EVPL: variants seen among roughly 807,000 people sequenced by gnomAD.
The protein encoded by EVPL is 210 kDa cornified envelope precursor protein.
Under a neutral mutation model 129.7 loss-of-function variants are expected in EVPL, and 94 were observed. The ratio of observed to expected loss-of-function variants is 0.72; its 90% CI spans 0.61 to 0.86. The LOEUF (loss-of-function observed/expected upper bound fraction) is 0.86. Ranked by LOEUF, EVPL falls within the 40% of genes least tolerant of loss-of-function variation. The pLI is 0.00. For missense variants in EVPL, 2,625 were observed against 2,721.1 expected, an observed-to-expected ratio of 0.96 and a Z score of 0.79; for synonymous variants, 1,172 against 1,191.1, an observed-to-expected ratio of 0.98 and a Z score of 0.33.
At chr17:76,019,710 C>A in intron 9 of EVPL, 57 bp from the exon 10 acceptor site, 1 of 1,566,268 alleles carries the variant, frequency 6.4e-7, no homozygotes, top group Non-Finnish European at 8.6e-7. Context: ...CCCACTGACC[C>A]TACAAACCAG....
In EVPL at chr17:76,009,297, C is replaced by T; in HGVS notation, c.3908G>A (p.Arg1303His). 6.2e-7 allele frequency: 1 copy of T among 1,608,822 alleles called. No individual in the cohort carries two copies. Among genetic ancestry groups the T allele is most frequent in the South Asian group, 1.1e-5 (1 of 91,062 alleles). Residue 1303 changes from arginine (R) to histidine (H), a missense_variant, in exon 22 of 22, where the codon CGC becomes CAC. Physicochemically the swap from Arg to His is conservative, Grantham distance 29. Transcript: ENST00000301607. This position sits in a 1 kb window ranked among gnomAD's most constrained non-coding sequence, Gnocchi z 5.9. ...RLQGERDEWR[R>H]ERAKVETKTV... ...CTTGGTCTCCACCTTGGCCCGCTCG[C>T]GCCTCCACTCGTCGCGCTCACCCTG...
At position 76,007,984 on chromosome 17, in the gene EVPL, G is replaced by A. The variant is rs775459828; in HGVS notation, c.5221C>T (p.Arg1741Cys). 1.6e-5 allele frequency: 26 copies of A among 1,613,972 alleles called. No homozygotes were observed. Among genetic ancestry groups the A allele is most frequent in the East Asian group, 2.2e-5 (1 of 44,892 alleles). Residue 1741 changes from arginine to cysteine, a missense_variant, in exon 22 of 22, where the codon CGC becomes TGC. This residue lies in a region of EVPL where 1,453 missense variants were observed against 1,511.8 expected (regional missense o/e 0.96). Coordinates refer to ENST00000301607, the MANE Select transcript of EVPL (RefSeq NM_001988.4). The surrounding 1 kb of genome is among the most constrained non-coding windows in gnomAD (Gnocchi z 8.8). ...ATGGAGTACTGCTTCCCGCTCTTGCGGTCCAGGAGCACAGACTCCTCCCCA... is the reference window on the plus strand; with the variant it reads ...ATGGAGTACTGCTTCCCGCTCTTGCAGTCCAGGAGCACAGACTCCTCCCCA... Reference protein sequence around the residue: ...PCGEESVLLDRKSGKQYSIEA... With the variant: ...PCGEESVLLDCKSGKQYSIEA...
chr17:76,012,498 T>C (rs2066385469), intron 18 of EVPL, among the ~76,000 whole-genome samples: 2 of 152,250 alleles, frequency 1.3e-5, no homozygotes, highest in African/African-American at 2.4e-5. Context: ...TTTCGCCATG[T>C]TGGCAAGGCT....
At position 76,019,589 on chromosome 17, in the gene EVPL, T is replaced by C. The variant is rs750090060; in HGVS notation, c.1076A>G (p.Lys359Arg). The C allele has an allele frequency of 6.2e-7, 1 of 1,604,794 alleles. No homozygotes were observed. Among genetic ancestry groups the C allele is most frequent in the East Asian group, 2.3e-5 (1 of 44,278 alleles). ...LAKLNSNLDA[K>R]YSPAPGGPPG... ...GGGGCCCCCAGGTGCAGGGCTGTAC[T>C]TGGCATCCAAGTTGGAGTTGAGCTT... is the stretch of plus-strand genomic sequence containing the variant. The change falls in exon 10 of 22, where the codon AAG (lysine) becomes AGG (arginine). Residue 359 changes from lysine to arginine, a missense_variant. Around this residue, in one of 4 missense-constraint regions of EVPL, gnomAD observed 1,024 missense variants for 997.5 expected, o/e 1.03. Transcript: ENST00000301607.
rs373960086 is a variant in EVPL at position 76,008,716 on chromosome 17, G to A, written c.4489C>T (p.Arg1497Trp). ...TGGACCTGCAGGTTCTTGCACTCCCGATTCAGCTCGGTTACCTGGGTCTTC... is the reference window on the plus strand; with the variant it reads ...TGGACCTGCAGGTTCTTGCACTCCCAATTCAGCTCGGTTACCTGGGTCTTC... The part of the protein sequence containing the change: ...QEKTQVTELN[R>W]ECKNLQVQID... The change falls in exon 22 of 22, where the codon CGG (arginine) becomes TGG (tryptophan). Residue 1497 changes from arginine (R) to tryptophan (W), a missense_variant. By Grantham distance (101) the Arg-to-Trp change is moderately radical. Transcript: ENST00000301607. This position sits in a 1 kb window ranked among gnomAD's most constrained non-coding sequence, Gnocchi z 7.4. The A allele has an allele frequency of 3.7e-6, 6 of 1,613,736 alleles. No homozygotes were observed. The highest frequency in any genetic ancestry group is 1.6e-4 in the Middle Eastern group (1 of 6,062).
At position 76,021,521 on chromosome 17, in the gene EVPL, T is replaced by G; in HGVS notation, c.958A>C (p.Asn320His). ...ALKMEWQNFL[N>H]LCICQETQLQ... is the part of the protein sequence containing the mutation. ...TGGGTCTCCTGGCAGATACACAGGT[T>G]CAGGAAGTTCTGCCACTCCATCTTC... The change falls in exon 9 of 22, where the codon AAC becomes CAC. Residue 320 changes from asparagine to histidine, a missense_variant. Asn to His is a moderately conservative substitution (Grantham distance 68). Transcript: ENST00000301607. The G allele has an allele frequency of 6.2e-7, 1 of 1,610,172 alleles. No homozygotes were observed. Among genetic ancestry groups the G allele is most frequent in the Non-Finnish European group, 8.5e-7 (1 of 1,178,920 alleles).
rs776757909 is a variant in EVPL, at chr17:76,009,312, C to T, written c.3893G>A (p.Arg1298His). 5.6e-6 allele frequency: 9 copies of T among 1,610,098 alleles called. No homozygotes were observed. Among genetic ancestry groups the T allele is most frequent in the Non-Finnish European group, 6.8e-6 (8 of 1,179,768 alleles). The change falls in exon 22 of 22, where the codon CGC (arginine) becomes CAC (histidine). Residue 1298 changes from arginine to histidine, a missense_variant. This residue lies in a region of EVPL where 1,453 missense variants were observed against 1,511.8 expected (regional missense o/e 0.96). Transcript: ENST00000301607. The surrounding 1 kb of genome is among the most constrained non-coding windows in gnomAD (Gnocchi z 5.9). ...GGCCCGCTCGCGCCTCCACTCGTCG[C>T]GCTCACCCTGCAGGCGGATGAGCTG... ...QEQLIRLQGERDEWRRERAKV... is the reference protein window; with the variant it reads ...QEQLIRLQGEHDEWRRERAKV...
At chr17:76,018,405 C>T (rs930771880) in intron 12 of EVPL, 41 bp downstream of exon 12, 14 of 1,584,580 alleles carry the variant, frequency 8.8e-6, no homozygotes, top group Non-Finnish European at 1.2e-5. Context: ...CCGGCCTGCT[C>T]TGCCCACAGC....
At chr17:76,023,778 C>G in intron 2 of EVPL, 124 bp from the exon 3 acceptor site, 1 of 1,422,666 alleles carries the variant, frequency 7.0e-7, no homozygotes, top group East Asian at 2.5e-5. Flanking sequence ...GAGGCCCACG[C>G]CAGGCACAGG....
rs1253761757 is a variant in EVPL, at chr17:76,022,455, C to T, written c.564G>A (p.Glu188=). The T allele has an allele frequency of 3.7e-6, 6 of 1,613,730 alleles. No individual in the cohort carries two copies. The African/African-American group carries it at 8.0e-5, about 22-fold the overall frequency. ...QIAEHNILQK[E]IDAYGQQLRS... ...GCAGCTGCTGCCCATAGGCGTCGAT[C>T]TCCTTCTGCAGGATGTTGTGCTCGG... The change falls in exon 5 of 22, where the codon GAG becomes GAA. Residue 188 remains glutamate (E), a synonymous_variant. Coordinates refer to ENST00000301607, the MANE Select transcript of EVPL (RefSeq NM_001988.4). This position sits in a 1 kb window ranked among gnomAD's most constrained non-coding sequence, Gnocchi z 5.6.
Position 76,007,291 on chromosome 17 carries a change from G to A in EVPL, c.5914C>T (p.Leu1972=). The change falls in exon 22 of 22, where the codon CTG becomes TTG. Residue 1972 remains leucine (L), a synonymous_variant. Coordinates refer to ENST00000301607, the MANE Select transcript of EVPL (RefSeq NM_001988.4). The surrounding 1 kb of genome is among the most constrained non-coding windows in gnomAD (Gnocchi z 8.8). Reference sequence around the variant, plus strand: ...TTCTCGTAGCTGGACTCGTCCTGCAGGAGCTGGGCCAGCTCTTCACTGATC... The same window carrying A: ...TTCTCGTAGCTGGACTCGTCCTGCAAGAGCTGGGCCAGCTCTTCACTGATC... ...GMISEELAQL[L]QDESSYEKDL... 6.4e-7 allele frequency: 1 copy of A among 1,555,244 alleles called. No homozygotes were observed. The highest frequency in any genetic ancestry group is 2.3e-5 in the East Asian group (1 of 44,236).
Position 76,008,511 on chromosome 17 carries a change from T to A in EVPL, c.4694A>T (p.Asp1565Val). 1 of 1,604,798 alleles carries A rather than the reference T, an allele frequency of 6.2e-7. No homozygotes were observed. The highest frequency in any genetic ancestry group is 8.5e-7 in the Non-Finnish European group (1 of 1,179,028). Residue 1565 changes from aspartate (D) to valine (V), a missense_variant, in exon 22 of 22, where the codon GAC becomes GTC. By Grantham distance (152) the Asp-to-Val change is radical. Around this residue, in one of 4 missense-constraint regions of EVPL, gnomAD observed 1,453 missense variants for 1,511.8 expected, o/e 0.96. Coordinates refer to ENST00000301607, the MANE Select transcript of EVPL (RefSeq NM_001988.4). The surrounding 1 kb of genome is among the most constrained non-coding windows in gnomAD (Gnocchi z 7.4). The part of the protein sequence containing the change: ...EEARRLRERI[D>V]RAETLGRTWS... ...GGTTCTCCCCAGCGTCTCGGCCCGG[T>A]CAATGCGCTCCCGCAGGCGCCGTGC...
rs1247459035 is a variant in EVPL, at chr17:76,010,352, C to T, written c.2853G>A (p.Leu951=). 1 of 1,614,016 alleles carries T rather than the reference C, an allele frequency of 6.2e-7. No homozygotes were observed. The change falls in exon 22 of 22, where the codon TTG becomes TTA. Residue 951 remains leucine, a synonymous_variant. Coordinates refer to ENST00000301607, the MANE Select transcript of EVPL (RefSeq NM_001988.4). Reference sequence around the variant, plus strand: ...CCACTTCCTTCTCCTCCAGCCTCTCCAAGGGCCGCTGGGTCCTCAGCTGCA... The same window carrying T: ...CCACTTCCTTCTCCTCCAGCCTCTCTAAGGGCCGCTGGGTCCTCAGCTGCA... ...QLLQLRTQRP[L]ERLEEKEVVE...
Position 76,019,543 on chromosome 17 carries a change from C to G in EVPL, c.1122G>C (p.Leu374=). The change falls in exon 10 of 22, where the codon CTG becomes CTC. Residue 374 remains leucine, a synonymous_variant. Coordinates refer to ENST00000301607, the MANE Select transcript of EVPL (RefSeq NM_001988.4). Reference sequence around the variant, plus strand: ...GTTGTCTCACCTCCAGCTGTTGCAGCAGCTCTGTGGGGGCGCCAGGGGGGC... The same window carrying G: ...GTTGTCTCACCTCCAGCTGTTGCAGGAGCTCTGTGGGGGCGCCAGGGGGGC... ...PGGPPGAPTE[L]LQQLEAEEKR... is the part of the protein sequence containing the mutation. The G allele has an allele frequency of 1.3e-6, 2 of 1,562,324 alleles. No homozygotes were observed. Among genetic ancestry groups the G allele is most frequent in the Non-Finnish European group, 1.7e-6 (2 of 1,159,512 alleles).
Position 76,009,879 on chromosome 17 carries a change from G to C in EVPL, c.3326C>G (p.Ala1109Gly). The C allele has an allele frequency of 6.2e-7, 1 of 1,614,040 alleles. No homozygotes were observed. The highest frequency in any genetic ancestry group is 1.1e-5 in the South Asian group (1 of 91,080). ...MEEDAARRKQAEEAVAKLQAR... is the reference protein window; with the variant it reads ...MEEDAARRKQGEEAVAKLQAR... Reference sequence around the variant, plus strand: ...CTGTAGCTTGGCCACAGCCTCCTCCGCCTGCTTCCTCCGCGCAGCATCCTC... The same window carrying C: ...CTGTAGCTTGGCCACAGCCTCCTCCCCCTGCTTCCTCCGCGCAGCATCCTC... The change falls in exon 22 of 22, where the codon GCG (alanine) becomes GGG (glycine). Residue 1109 changes from alanine (A) to glycine (G), a missense_variant. By Grantham distance (60) the Ala-to-Gly change is moderately conservative (BLOSUM62 0). Around this residue, in one of 4 missense-constraint regions of EVPL, gnomAD observed 1,453 missense variants for 1,511.8 expected, o/e 0.96. Coordinates refer to ENST00000301607, the MANE Select transcript of EVPL (RefSeq NM_001988.4). This position sits in a 1 kb window ranked among gnomAD's most constrained non-coding sequence, Gnocchi z 5.9.
In EVPL at chr17:76,023,660, G is replaced by A. The variant is rs758447549; in HGVS notation, c.199-6C>T. On this transcript the variant is annotated splice_polypyrimidine_tract_variant and splice_region_variant and intron_variant, in intron 2 of 21. Transcript: ENST00000301607. The stretch of plus-strand genomic sequence containing the variant: ...TGCTCACTGTTCAGCCGGTCCTGTG[G>A]GCAGGAGATGGGCAGACTGGCCAGG... 3 of 1,549,428 alleles carry A rather than the reference G, an allele frequency of 1.9e-6. No individual in the cohort carries two copies. Among genetic ancestry groups the A allele is most frequent in the Non-Finnish European group, 1.7e-6 (2 of 1,145,256 alleles).
At position 76,018,545 on chromosome 17, in the gene EVPL, G is replaced by A. The variant is rs764796942; in HGVS notation, c.1340C>T (p.Ala447Val). The A allele has an allele frequency of 6.2e-6, 10 of 1,612,514 alleles. No individual in the cohort carries two copies. The highest frequency in any genetic ancestry group is 3.3e-5 in the Admixed American group (2 of 59,858). ...YKLVDNTDPH[A>V]WVVQGPGGET... is the part of the protein sequence containing the mutation. Reference sequence around the variant, plus strand: ...CCCGCCAGGGCCCTGCACGACCCAGGCGTGCGGGTCAGTGTTATCTACCAG... The same window carrying A: ...CCCGCCAGGGCCCTGCACGACCCAGACGTGCGGGTCAGTGTTATCTACCAG... Residue 447 changes from alanine to valine, a missense_variant, in exon 12 of 22, where the codon GCC (alanine) becomes GTC (valine). By Grantham distance (64) the Ala-to-Val change is moderately conservative. Coordinates refer to ENST00000301607, the MANE Select transcript of EVPL (RefSeq NM_001988.4).
chr17:76,014,552 G>A lies in EVPL; in HGVS notation c.2247C>T (p.Ala749=), dbSNP rs532254895. 2.5e-6 allele frequency: 4 copies of A among 1,612,222 alleles called. No individual in the cohort carries two copies. The highest frequency in any genetic ancestry group is 1.7e-4 in the Middle Eastern group (1 of 6,054). ...AGTTCTTGAACTGCTGGTAGGTGAG[G>A]GCGGCATCCTGCACCACCTTCTCCC... The part of the protein sequence containing the change: ...DLREKVVQDA[A]LTYQQFKNCK... Residue 749 remains alanine (A), a synonymous_variant, in exon 18 of 22, where the codon GCC becomes GCT. Coordinates refer to ENST00000301607, the MANE Select transcript of EVPL (RefSeq NM_001988.4).
chr17:76,015,774 G>A, intron 14 of EVPL, 146 bp from the exon 15 acceptor site: 3 of 794,234 alleles, frequency 3.8e-6, no homozygotes, highest in Non-Finnish European at 5.9e-6. Flanking sequence ...GTTCAGTCCT[G>A]GCGCTACTCG....
Sources: allele counts gnomAD v4.1 joint callset (sites outside exome capture counted in the v4.1 genomes callset), GRCh38; gene constraint gnomAD v4.1.1; regional missense constraint gnomAD v4.1.1; non-coding constraint Gnocchi (gnomAD v3.1); transcripts MANE v1.5; gene names NCBI Gene and HGNC (gene_info 2026-07-23, HGNC 2026-07-21).